CACNA2D1: variants seen among roughly 807,000 people sequenced by gnomAD.
The protein encoded by CACNA2D1 is calcium voltage-gated channel auxiliary subunit alpha2delta 1, also known as voltage-dependent calcium channel subunit alpha-2/delta-1.
In CACNA2D1, 53 loss-of-function variants were observed where a neutral mutation model predicts 171.5. The observed-to-expected ratio is 0.31, with a 90% CI of 0.25 to 0.39. The LOEUF is 0.39. Among genes scored for constraint, CACNA2D1 ranks in the 10% least tolerant of loss-of-function variants. The pLI, the probability that CACNA2D1 is intolerant of heterozygous loss-of-function variation, is 1.00. For missense variants in CACNA2D1, 903 were observed against 1,299.8 expected, an observed-to-expected ratio of 0.69 and a Z score of 4.69; for synonymous variants, 442 against 443.1, an observed-to-expected ratio of 1.00 and a Z score of 0.03.
chr7:82,085,681 CA>C (rs1297187258), intron 6 of CACNA2D1, among the ~76,000 whole-genome samples: 1 of 147,354 alleles, frequency 6.8e-6, no homozygotes, highest in Non-Finnish European at 1.5e-5. Flanking sequence ...CCTTCATAAA[CA>C]ATAGTTTTTT....
At position 82,118,064 on chromosome 7, in the gene CACNA2D1, C is replaced by T. The variant is rs540135000; in HGVS notation, c.397-891G>A. Among the ~76,000 whole-genome samples, 505 of 152,106 alleles carry T rather than the reference C, an allele frequency of 3.3e-3. 6 individuals carry two copies. The highest frequency in any genetic ancestry group is 0.028 in the South Asian group (137 of 4,818). ...AAAAGAAAGTATGCTAGGAAAGAAG[C>T]GATCTATTCTAACTCTAAATACAAT... On this transcript the variant is annotated intron_variant, in intron 5 of 38. Transcript: ENST00000356860.
chr7:82,423,424 A>G (rs1411733422), intron 1 of CACNA2D1, among the ~76,000 whole-genome samples: 3 of 152,192 alleles, frequency 2.0e-5, no homozygotes, highest in Non-Finnish European at 4.4e-5. Flanking sequence ...ACTATGAACA[A>G]AGAGTATGCA....
rs941007200 is a variant in CACNA2D1 at position 82,430,261 on chromosome 7, TA to T, written c.95+13103del. Among the ~76,000 whole-genome samples the T allele has an allele frequency of 1.3e-5, 2 of 151,424 alleles. 1 individual carries two copies. Among genetic ancestry groups the T allele is most frequent in the South Asian group, 4.2e-4 (2 of 4,794 alleles). ...GTGAACCCCGTCTCTACTCAGAATA[TA>T]AAAAAATTAGCCAGGCATGGTGGTT... On this transcript the variant is annotated intron_variant, in intron 1 of 38. Coordinates refer to ENST00000356860, the MANE Select transcript of CACNA2D1 (RefSeq NM_000722.4).
rs1311914202 is a variant in CACNA2D1, at chr7:81,947,495, C to T, written c.*2897G>A. 1 of 151,844 alleles carries T rather than the reference C, an allele frequency of 6.6e-6. No individual in the cohort carries two copies. Among genetic ancestry groups the T allele is most frequent in the Non-Finnish European group, 1.5e-5 (1 of 67,856 alleles). The allele number at this position is 151,844 out of a possible 1,614,324, so 9.4% of individuals were successfully genotyped here. A position where few individuals can be genotyped will look rare whatever the true frequency, so the allele number is the denominator to read the frequency against. On this transcript the variant is annotated 3_prime_UTR_variant, in exon 39 of 39. Coordinates refer to ENST00000356860, the MANE Select transcript of CACNA2D1 (RefSeq NM_000722.4). ...AATATGGACCACGGTTGGTGTTTGG[C>T]AGTAATGCTGGTTGTTTAAATGAGG...
chr7:82,261,581 T>C (rs1807105269), intron 3 of CACNA2D1, among the ~76,000 whole-genome samples: 1 of 152,200 alleles, frequency 6.6e-6, no homozygotes, highest in South Asian at 2.1e-4. Context: ...TTCACCTAGA[T>C]ATAAGGGTAG....
chr7:82,099,599 G>C (rs1474074562), intron 6 of CACNA2D1, among the ~76,000 whole-genome samples: 1 of 109,300 alleles, frequency 9.1e-6, no homozygotes, highest in Non-Finnish European at 2.0e-5. Context: ...ACAGGCGCCC[G>C]CCACTACGCC....
At chr7:82,398,066 T>G (rs1184432415) in intron 1 of CACNA2D1, among the ~76,000 whole-genome samples, 2 of 152,188 alleles carry the variant, frequency 1.3e-5, no homozygotes, top group Non-Finnish European at 2.9e-5. Flanking sequence ...GTCCAACTAC[T>G]CTTTCGTCTG....
chr7:82,251,782 G>A (rs558925521), intron 3 of CACNA2D1, among the ~76,000 whole-genome samples: 1 of 152,246 alleles, frequency 6.6e-6, no homozygotes, highest in African/African-American at 2.4e-5. Flanking sequence ...ATATCAAGTA[G>A]TCCATTAGTG....
intron 3 of CACNA2D1, among the ~76,000 whole-genome samples, chr7:82,316,143 A>G (rs1423224070): frequency 6.6e-6 from 1 of 152,114 alleles, no homozygotes; most frequent in Non-Finnish European, 1.5e-5. Flanking sequence ...AGAATTCCTA[A>G]AAGACACAGA....
chr7:82,138,761 T>C (rs1792013222), intron 4 of CACNA2D1, among the ~76,000 whole-genome samples: 1 of 152,102 alleles, frequency 6.6e-6, no homozygotes, highest in Non-Finnish European at 1.5e-5. Context: ...GCATTATTTT[T>C]ATAAAAAAGC....
chr7:82,146,560 G>A (rs1252863140), intron 4 of CACNA2D1, among the ~76,000 whole-genome samples: 2 of 147,556 alleles, frequency 1.4e-5, no homozygotes, highest in Non-Finnish European at 3.0e-5. Context: ...AGAAGATTAA[G>A]CTACTACAGT....
At chr7:82,338,720 T>C (rs947139193) in intron 2 of CACNA2D1, among the ~76,000 whole-genome samples, 1 of 152,166 alleles carries the variant, frequency 6.6e-6, no homozygotes, top group African/African-American at 2.4e-5. Context: ...AGGTGAGTGG[T>C]AATGTGGCAT....
rs76882792 is a variant in CACNA2D1 at position 82,098,503 on chromosome 7, T to C, written c.527-13603A>G. Among the ~76,000 whole-genome samples, 1,463 of 152,302 alleles carry C rather than the reference T, an allele frequency of 9.6e-3. 26 individuals carry two copies. Among genetic ancestry groups the C allele is most frequent in the African/African-American group, 0.034 (1,394 of 41,566 alleles). Reference sequence around the variant, plus strand: ...GGATAGAACGCCTGCATATCTTACATGTACAGCACTTTGACTAATGCTTGC... The same window carrying C: ...GGATAGAACGCCTGCATATCTTACACGTACAGCACTTTGACTAATGCTTGC... On this transcript the variant is annotated intron_variant, in intron 6 of 38. Transcript: ENST00000356860.
At chr7:82,184,051 A>G (rs1251161223) in intron 3 of CACNA2D1, among the ~76,000 whole-genome samples, 1 of 151,488 alleles carries the variant, frequency 6.6e-6, no homozygotes, top group African/African-American at 2.4e-5. Context: ...ATTAACTTGC[A>G]CAGGCTGCCA....
At chr7:82,247,594 C>T (rs534057316) in intron 3 of CACNA2D1, among the ~76,000 whole-genome samples, 35 of 152,230 alleles carry the variant, frequency 2.3e-4, no homozygotes, top group African/African-American at 7.7e-4. Flanking sequence ...TCCAAGCATG[C>T]ATTGCTGAAT....
chr7:82,193,494 G>A (rs1038056724), intron 3 of CACNA2D1, among the ~76,000 whole-genome samples: 5 of 151,848 alleles, frequency 3.3e-5, no homozygotes, highest in African/African-American at 4.8e-5. Flanking sequence ...AAGATTAAGC[G>A]TGAACCAAAA....
intron 3 of CACNA2D1, among the ~76,000 whole-genome samples, chr7:82,288,872 T>C (rs1163904859): frequency 6.6e-6 from 1 of 152,184 alleles, no homozygotes; most frequent in Non-Finnish European, 1.5e-5. Context: ...ATGATGTCCA[T>C]GCCACTGTGC....
At chr7:82,031,638 C>T (rs1051890762) in intron 12 of CACNA2D1, among the ~76,000 whole-genome samples, 1 of 151,860 alleles carries the variant, frequency 6.6e-6, no homozygotes, top group Non-Finnish European at 1.5e-5. Flanking sequence ...TGATCATTTT[C>T]AAATACTCAT....
chr7:82,178,295 G>T (rs770370650), intron 3 of CACNA2D1, among the ~76,000 whole-genome samples: 1 of 152,090 alleles, frequency 6.6e-6, no homozygotes, highest in Admixed American at 6.6e-5. Flanking sequence ...CAAATAAATT[G>T]GAAGACCCTT....
Sources: gnomAD v4.1 joint callset for allele counts (sites outside exome capture counted in the v4.1 genomes callset) on GRCh38, gnomAD v4.1.1 for gene constraint, MANE v1.5 for transcripts, NCBI Gene and HGNC (gene_info 2026-07-23, HGNC 2026-07-21) for gene names.